FGF12: variants seen among roughly 807,000 people sequenced by gnomAD.
FGF12 encodes fibroblast growth factor 12.
In FGF12, 14 loss-of-function variants were observed where a neutral mutation model predicts 23.6. The ratio of observed to expected loss-of-function variants is 0.59; its 90% CI spans 0.39 to 0.93. FGF12 has a LOEUF of 0.93. FGF12 is among the 40% of genes least tolerant of loss of function. FGF12 has a pLI of 0.00. For synonymous variants in FGF12, 62 were observed against 77.3 expected, an observed-to-expected ratio of 0.80 and a Z score of 1.04; for missense variants, 175 against 217.8, an observed-to-expected ratio of 0.80 and a Z score of 1.24.
chr3:192,570,906 G>C (rs1009718816), intron 2 of FGF12, among the ~76,000 whole-genome samples: 1 of 152,090 alleles, frequency 6.6e-6, no homozygotes, highest in African/African-American at 2.4e-5. Context: ...CTCACTTTCT[G>C]GCATCCGTCC....
chr3:192,601,778 T>A (rs1017729236), intron 2 of FGF12, among the ~76,000 whole-genome samples: 1 of 152,186 alleles, frequency 6.6e-6, no homozygotes, highest in Non-Finnish European at 1.5e-5. Context: ...CATTCTCCCA[T>A]GTACTTTAGA....
intron 2 of FGF12, among the ~76,000 whole-genome samples, chr3:192,371,419 A>T (rs1719225068): frequency 6.6e-6 from 1 of 152,186 alleles, no homozygotes; most frequent in Non-Finnish European, 1.5e-5. Context: ...TCATTTCTTC[A>T]TGCATAGCCA....
At chr3:192,301,880 G>A (rs1356885717) in intron 4 of FGF12, among the ~76,000 whole-genome samples, 4 of 152,128 alleles carry the variant, frequency 2.6e-5, no homozygotes, top group Middle Eastern at 3.4e-3. Context: ...GCAAACTTTC[G>A]CCATCTAATC....
chr3:192,329,563 A>G (rs576232144), intron 4 of FGF12, among the ~76,000 whole-genome samples: 2 of 152,266 alleles, frequency 1.3e-5, no homozygotes, highest in East Asian at 3.9e-4. Context: ...ATGTGAGTCA[A>G]TTTACAGAGG....
chr3:192,641,033 T>C (rs66728297), intron 2 of FGF12, among the ~76,000 whole-genome samples: 67,276 of 150,532 alleles, frequency 0.45, 15,519 homozygotes, highest in East Asian at 0.52. Context: ...ATGGTCTCAA[T>C]GATCCACCTG....
intron 2 of FGF12, among the ~76,000 whole-genome samples, chr3:192,532,392 T>G (rs892243338): frequency 6.6e-6 from 1 of 152,228 alleles, no homozygotes. Flanking sequence ...GCATGGGTTG[T>G]CTTTCCATTT....
At chr3:192,167,272 G>C (rs1715221623) in intron 5 of FGF12, among the ~76,000 whole-genome samples, 1 of 151,940 alleles carries the variant, frequency 6.6e-6, no homozygotes, top group East Asian at 1.9e-4. Flanking sequence ...AGTTACCATG[G>C]ACAACTTGGA....
intron 2 of FGF12, among the ~76,000 whole-genome samples, chr3:192,363,799 T>C (rs146068458): frequency 1.3e-5 from 2 of 152,306 alleles, no homozygotes; most frequent in East Asian, 3.9e-4. Flanking sequence ...AGGTATAAAA[T>C]GAGACCACTT....
chr3:192,260,562 CAT>C (rs1462123512), intron 4 of FGF12, among the ~76,000 whole-genome samples: 1 of 152,192 alleles, frequency 6.6e-6, no homozygotes, highest in African/African-American at 2.4e-5. Context: ...AGAATTTACA[CAT>C]GTGATGTGGG....
intron 2 of FGF12, among the ~76,000 whole-genome samples, chr3:192,639,803 G>A (rs1310919579): frequency 1.3e-5 from 2 of 151,798 alleles, no homozygotes; most frequent in South Asian, 2.1e-4. Context: ...TTGAACATCT[G>A]TGGATTTGGT....
chr3:192,502,614 C>T (rs1724163582), intron 2 of FGF12, among the ~76,000 whole-genome samples: 1 of 152,098 alleles, frequency 6.6e-6, no homozygotes, highest in Non-Finnish European at 1.5e-5. Flanking sequence ...GTGTAGATAA[C>T]TACTGTGATT....
intron 2 of FGF12, among the ~76,000 whole-genome samples, chr3:192,492,587 G>T (rs1427801788): frequency 6.6e-6 from 1 of 152,002 alleles, no homozygotes; most frequent in Non-Finnish European, 1.5e-5. Context: ...AAAAAAGTAT[G>T]GTTATATTAA....
At chr3:192,454,846 A>C (rs944803193) in intron 2 of FGF12, among the ~76,000 whole-genome samples, 1 of 152,218 alleles carries the variant, frequency 6.6e-6, no homozygotes, top group Non-Finnish European at 1.5e-5. Flanking sequence ...CTGGTACATA[A>C]CCAGACAATC....
intron 2 of FGF12, among the ~76,000 whole-genome samples, chr3:192,523,734 A>T (rs1577035328): frequency 3.3e-5 from 5 of 152,346 alleles, no homozygotes; most frequent in Admixed American, 3.3e-4. Context: ...TTTAAATATA[A>T]CCCTGCCCTC....
At chr3:192,560,050 C>G (rs1164831307) in intron 2 of FGF12, among the ~76,000 whole-genome samples, 1 of 151,868 alleles carries the variant, frequency 6.6e-6, no homozygotes, top group Non-Finnish European at 1.5e-5. Context: ...TGTTCTCTGA[C>G]CACAATGGCA....
chr3:192,378,032 TTC>T (rs1264279962), intron 2 of FGF12, among the ~76,000 whole-genome samples: 2 of 26,458 alleles, frequency 7.6e-5, no homozygotes, highest in Non-Finnish European at 1.3e-4. Context: ...TTTCTTTTCT[TTC>T]TTTCTTTCTT....
intron 4 of FGF12, among the ~76,000 whole-genome samples, chr3:192,177,189 C>A (rs1025488906): frequency 6.6e-6 from 1 of 152,198 alleles, no homozygotes; most frequent in African/African-American, 2.4e-5. Flanking sequence ...GCCAGTTAAC[C>A]TCTCTGAGCC....
At chr3:192,480,107 A>G (rs1228213960) in intron 2 of FGF12, among the ~76,000 whole-genome samples, 1 of 152,188 alleles carries the variant, frequency 6.6e-6, no homozygotes, top group African/African-American at 2.4e-5. Context: ...AACAAGTAGA[A>G]TTATTTTCTG....
chr3:192,408,991 C>A lies in FGF12; in HGVS notation c.14-48453G>T. ...CGGTTACCCGGAGTCTGGGTAGGGGCGCGGGGCGGGGGCAGCTGTTTCCAG... is the reference window on the plus strand; with the variant it reads ...CGGTTACCCGGAGTCTGGGTAGGGGAGCGGGGCGGGGGCAGCTGTTTCCAG... On this transcript the variant is annotated intron_variant, in intron 2 of 5. Coordinates refer to ENST00000445105, the MANE Select transcript of FGF12 (RefSeq NM_004113.6). This position sits in a 1 kb window ranked among gnomAD's most constrained non-coding sequence, Gnocchi z 7.3. 1 of 978,132 alleles carries A rather than the reference C, an allele frequency of 1.0e-6. No individual in the cohort carries two copies. The highest frequency in any genetic ancestry group is 1.2e-6 in the Non-Finnish European group (1 of 827,722). The allele number at this position is 978,132 out of a possible 1,614,324, so 60.6% of individuals were successfully genotyped here.
Sources: gnomAD v4.1 joint callset for allele counts (sites outside exome capture counted in the v4.1 genomes callset) on GRCh38, gnomAD v4.1.1 for gene constraint, Gnocchi (gnomAD v3.1) non-coding constraint, MANE v1.5 for transcripts, NCBI Gene and HGNC (gene_info 2026-07-23, HGNC 2026-07-21) for gene names.